The following GPR89A variants were observed in gnomAD, a reference collection of about 807,000 sequenced individuals.
GPR89A encodes golgi pH regulator A.
In GPR89A, 16 loss-of-function variants were observed where a neutral mutation model predicts 52.0. The ratio of observed to expected loss-of-function variants is 0.31; its 90% CI spans 0.21 to 0.47. The LOEUF (loss-of-function observed/expected upper bound fraction) is 0.47, where lower values mean the gene tolerates loss of function less well. GPR89A is among the 20% of genes least tolerant of loss of function. The pLI is 1.00. For missense variants in GPR89A, 135 were observed against 449.4 expected, an observed-to-expected ratio of 0.30 and a Z score of 6.33; for synonymous variants, 55 against 150.9, an observed-to-expected ratio of 0.36 and a Z score of 4.66.
At chr1:145,659,956 T>A (rs1175285722) in intron 10 of GPR89A, among the ~76,000 whole-genome samples, 8 of 151,352 alleles carry the variant, frequency 5.3e-5, no homozygotes, top group Admixed American at 4.6e-4. Flanking sequence ...TTGAGCAGTG[T>A]TTTGTAGTTC....
At chr1:145,635,593 A>G (rs1553690600) in intron 7 of GPR89A, among the ~76,000 whole-genome samples, 2 of 152,248 alleles carry the variant, frequency 1.3e-5, no homozygotes, top group Admixed American at 1.3e-4. Flanking sequence ...ATTATTCAAA[A>G]GTGAAAGATT....
At chr1:145,640,758 A>G (rs1312187949) in intron 7 of GPR89A, among the ~76,000 whole-genome samples, 1 of 121,696 alleles carries the variant, frequency 8.2e-6, no homozygotes, top group East Asian at 2.3e-4. Flanking sequence ...GGGAGAAAAT[A>G]TTTGCAAGCC....
At chr1:145,611,625 C>T (rs1202539579) in intron 1 of GPR89A, 2 of 151,126 alleles carry the variant, frequency 1.3e-5, no homozygotes, top group Non-Finnish European at 2.9e-5. Flanking sequence ...CATTCCCCTC[C>T]CCACCATATA....
At chr1:145,636,861 A>AC (rs1255811785) in intron 7 of GPR89A, among the ~76,000 whole-genome samples, 5 of 151,632 alleles carry the variant, frequency 3.3e-5, no homozygotes, top group Non-Finnish European at 5.9e-5. Flanking sequence ...CTTAGCCACC[A>AC]CCCCCCCTGC....
chr1:145,653,924 C>T (rs1234478546), intron 10 of GPR89A, among the ~76,000 whole-genome samples: 5 of 149,672 alleles, frequency 3.3e-5, no homozygotes, highest in African/African-American at 1.2e-4. Flanking sequence ...TCCAGCTTGC[C>T]ATTCTGTGTC....
intron 3 of GPR89A, among the ~76,000 whole-genome samples, chr1:145,620,203 TA>T (rs1649045179): frequency 6.6e-6 from 1 of 152,176 alleles, no homozygotes; most frequent in African/African-American, 2.4e-5. Flanking sequence ...GGCCAGATAA[TA>T]AATATTTTAG....
chr1:145,623,070 T>C lies in GPR89A; in HGVS notation c.223T>C (p.Trp75Arg). 6.2e-7 allele frequency: 1 copy of C among 1,611,126 alleles called. No homozygotes were observed. The highest frequency in any genetic ancestry group is 8.5e-7 in the Non-Finnish European group (1 of 1,178,132). ...TTATTTCAGCTCCCGTTATTTTCAC[T>C]GGAAAATGAACCTGTGTGTAATTCT... ...VLNSSSRYFH[W>R]KMNLCVILLI... The change falls in exon 4 of 14, where the codon TGG becomes CGG. Residue 75 changes from tryptophan to arginine, a missense_variant. Transcript: ENST00000313835.
chr1:145,667,038 A>G (rs587705724), intron 12 of GPR89A, among the ~76,000 whole-genome samples: 6 of 152,272 alleles, frequency 3.9e-5, no homozygotes, highest in East Asian at 1.9e-4. Context: ...TGCACATGCA[A>G]TAAACATACG....
At chr1:145,654,030 A>G (rs1651641667) in intron 10 of GPR89A, among the ~76,000 whole-genome samples, 2 of 151,974 alleles carry the variant, frequency 1.3e-5, no homozygotes, top group African/African-American at 4.8e-5. Flanking sequence ...TATTTTGCAG[A>G]CTTGTTATTG....
chr1:145,619,805 G>A (rs1210427067), intron 3 of GPR89A, among the ~76,000 whole-genome samples: 1 of 152,174 alleles, frequency 6.6e-6, no homozygotes, highest in Non-Finnish European at 1.5e-5. Flanking sequence ...CACGAGGTCA[G>A]GAGATCAAGA....
intron 8 of GPR89A, chr1:145,645,512 T>C (rs1436632439): frequency 2.2e-6 from 1 of 446,282 alleles, no homozygotes; most frequent in Non-Finnish European, 4.5e-6. Context: ...GGGAGAATAA[T>C]AACTCTACCT....
At chr1:145,645,982 C>G in intron 8 of GPR89A, 1 of 651,506 alleles carries the variant, frequency 1.5e-6, no homozygotes, top group Non-Finnish European at 2.7e-6. Flanking sequence ...GGTGGCGATG[C>G]TCTTGATGGA....
rs782791418 is a variant in GPR89A at position 145,623,034 on chromosome 1, G to T, written c.207-20G>T. The T allele has an allele frequency of 1.1e-5, 17 of 1,602,174 alleles. No individual in the cohort carries two copies. ...CTGCCCTCTCTTCCTCCCAGTGACA[G>T]TCTTTGACATTTATTTCAGCTCCCG... On this transcript the variant is annotated intron_variant, in intron 3 of 13. Transcript: ENST00000313835.
At chr1:145,649,379 T>C (rs1238666117) in intron 10 of GPR89A, among the ~76,000 whole-genome samples, 5 of 152,116 alleles carry the variant, frequency 3.3e-5, no homozygotes, top group Non-Finnish European at 5.9e-5. Context: ...TAGAATGTTA[T>C]GTAAGTAGAA....
chr1:145,663,366 C>A lies in GPR89A; in HGVS notation c.947C>A (p.Thr316Lys), dbSNP rs376147807. 2 of 1,610,638 alleles carry A rather than the reference C, an allele frequency of 1.2e-6. No individual in the cohort carries two copies. Among genetic ancestry groups the A allele is most frequent in the Non-Finnish European group, 1.7e-6 (2 of 1,179,142 alleles). Residue 316 changes from threonine (T) to lysine (K), a missense_variant, in exon 11 of 14, where the codon ACG becomes AAG. Physicochemically the swap from Thr to Lys is moderately conservative, Grantham distance 78 (BLOSUM62 -1). Coordinates refer to ENST00000313835, the MANE Select transcript of GPR89A (RefSeq NM_001097612.2). ...INIVFDRVGKTDPVTRGIEIT... is the reference protein window; with the variant it reads ...INIVFDRVGKKDPVTRGIEIT... The stretch of plus-strand genomic sequence containing the variant: ...ATTGTTTTTGATCGAGTTGGGAAAA[C>A]GGATCCTGTCACAAGAGGCATTGAG...
chr1:145,608,091 G>T lies in GPR89A; in HGVS notation c.-43G>T. The T allele has an allele frequency of 1.2e-6, 2 of 1,612,028 alleles. No individual in the cohort carries two copies. The highest frequency in any genetic ancestry group is 8.5e-7 in the Non-Finnish European group (1 of 1,179,082). On this transcript the variant is annotated 5_prime_UTR_variant, in exon 1 of 14. Transcript: ENST00000313835. The stretch of plus-strand genomic sequence containing the variant: ...TGTGGCCCCAGCGTGCTGTGGCCTC[G>T]GGGAGTGGGAAGTGGAGGCAGGAGC...
chr1:145,668,724 T>G (rs1279067799), intron 12 of GPR89A, among the ~76,000 whole-genome samples: 1 of 152,124 alleles, frequency 6.6e-6, no homozygotes. Flanking sequence ...TAAATAGCTC[T>G]TACGATTTCG....
intron 10 of GPR89A, among the ~76,000 whole-genome samples, chr1:145,655,747 GGGTCTCAGTCA>G: frequency 6.6e-6 from 1 of 152,114 alleles, no homozygotes; most frequent in East Asian, 1.9e-4. Flanking sequence ...CCCTGGTGGG[GGGTCTCAGTCA>G]GGAGGCACGG....
At chr1:145,619,151 G>C (rs1313427469) in intron 3 of GPR89A, among the ~76,000 whole-genome samples, 3 of 152,072 alleles carry the variant, frequency 2.0e-5, no homozygotes, top group Non-Finnish European at 4.4e-5. Context: ...TTAGGATTCA[G>C]TGCCAAGGTA....
Sources: gnomAD v4.1 joint callset for allele counts (sites outside exome capture counted in the v4.1 genomes callset) on GRCh38, gnomAD v4.1.1 for gene constraint, MANE v1.5 for transcripts, NCBI Gene and HGNC (gene_info 2026-07-23, HGNC 2026-07-21) for gene names.